ENTPD7: variants seen among roughly 807,000 people sequenced by gnomAD.
ENTPD7 encodes NTPDase 7.
A neutral mutation model predicts 77.9 loss-of-function variants in ENTPD7; 53 were observed. The observed-to-expected ratio is 0.68, with a 90% confidence interval of 0.55 to 0.85. The LOEUF (loss-of-function observed/expected upper bound fraction) is 0.85. Ranked by LOEUF, ENTPD7 falls within the 40% of genes least tolerant of loss-of-function variation. ENTPD7 has a pLI of 0.00. For missense variants in ENTPD7, 636 were observed against 743.7 expected, an observed-to-expected ratio of 0.86 and a Z score of 1.68; for synonymous variants, 248 against 274.9, an observed-to-expected ratio of 0.90 and a Z score of 0.97.
chr10:99,709,949 A>AG lies in ENTPD7; in HGVS notation c.*5269dup. ...AAACTGAATCATTACTCATACTACA[A>AG]GGGCTTTCACTTTTAAAATGTAATC... On this transcript the variant is annotated 3_prime_UTR_variant, in exon 13 of 13. Transcript: ENST00000370489. 1 of 985,420 alleles carries AG rather than the reference A, an allele frequency of 1.0e-6. No homozygotes were observed. Among genetic ancestry groups the AG allele is most frequent in the Non-Finnish European group, 1.2e-6 (1 of 829,908 alleles). 61.0% of individuals were successfully genotyped at this position (985,420 alleles called of 1,614,324 possible). A position where few individuals can be genotyped will look rare whatever the true frequency, so the allele number is the denominator to read the frequency against.
At chr10:99,670,442 A>AT (rs2133446833) in intron 3 of ENTPD7, among the ~76,000 whole-genome samples, 1 of 152,114 alleles carries the variant, frequency 6.6e-6, no homozygotes, top group East Asian at 1.9e-4. Context: ...AAATTTATTA[A>AT]TTTTTCATAC....
chr10:99,661,857 G>A (rs2035491559), intron 3 of ENTPD7, among the ~76,000 whole-genome samples: 1 of 152,160 alleles, frequency 6.6e-6, no homozygotes, highest in South Asian at 2.1e-4. Flanking sequence ...TTGGTGGGCT[G>A]AAACTTATTG....
chr10:99,702,456 G>T (rs113217443), intron 11 of ENTPD7, 56 bp from the exon 12 acceptor site: 53 of 1,434,360 alleles, frequency 3.7e-5, no homozygotes, highest in Admixed American at 1.5e-4. Flanking sequence ...TATTGCAAAG[G>T]AAAGTATTAG....
At position 99,661,597 on chromosome 10, in the gene ENTPD7, G is replaced by A; in HGVS notation, c.160G>A (p.Ala54Thr). The A allele has an allele frequency of 1.9e-6, 3 of 1,610,592 alleles. No homozygotes were observed. Among genetic ancestry groups the A allele is most frequent in the Non-Finnish European group, 2.5e-6 (3 of 1,178,912 alleles). Residue 54 changes from alanine (A) to threonine (T), a missense_variant, in exon 3 of 13, where the codon GCT (alanine) becomes ACT (threonine). This residue lies in a region of ENTPD7 where 486 missense variants were observed against 556.5 expected (regional missense o/e 0.87). Transcript: ENST00000370489. Reference sequence around the variant, plus strand: ...AATCATAGACTTTCGACATTGGAGTGCTTCATTACCACGAGATAGGCAATA... The same window carrying A: ...AATCATAGACTTTCGACATTGGAGTACTTCATTACCACGAGATAGGCAATA... ...MLIIDFRHWSASLPRDRQYER... is the reference protein window; with the variant it reads ...MLIIDFRHWSTSLPRDRQYER...
At chr10:99,673,063 A>C (rs2035635257) in intron 3 of ENTPD7, among the ~76,000 whole-genome samples, 1 of 152,200 alleles carries the variant, frequency 6.6e-6, no homozygotes, top group Middle Eastern at 3.2e-3. Flanking sequence ...TTGACTCAGC[A>C]GTGACTAGAA....
intron 3 of ENTPD7, among the ~76,000 whole-genome samples, chr10:99,676,523 G>A (rs542826413): frequency 1.3e-5 from 2 of 152,318 alleles, no homozygotes; most frequent in African/African-American, 4.8e-5. Flanking sequence ...TGTGAAGCAT[G>A]TGAAATAGAA....
At chr10:99,695,650 G>C (rs887929772) in intron 8 of ENTPD7, among the ~76,000 whole-genome samples, 1 of 152,124 alleles carries the variant, frequency 6.6e-6, no homozygotes, top group Non-Finnish European at 1.5e-5. Flanking sequence ...GAGGGAATTG[G>C]AAAATACAGA....
Position 99,698,523 on chromosome 10 carries a change from C to G in ENTPD7, c.1011-11C>G, listed in dbSNP as rs2036034755. On this transcript the variant is annotated splice_polypyrimidine_tract_variant and intron_variant, in intron 9 of 12. Coordinates refer to ENST00000370489, the MANE Select transcript of ENTPD7 (RefSeq NM_020354.5). ...TGTTTGTTTGTTTGTTTGTTTTTGT[C>G]ATTGTGGCAGATTGCTTGGTCAGAA... 6.2e-7 allele frequency: 1 copy of G among 1,605,814 alleles called. No individual in the cohort carries two copies. The highest frequency in any genetic ancestry group is 1.7e-5 in the Admixed American group (1 of 58,888).
chr10:99,698,229 G>A (rs1202984579), intron 9 of ENTPD7, among the ~76,000 whole-genome samples: 4 of 152,152 alleles, frequency 2.6e-5, no homozygotes, highest in African/African-American at 9.7e-5. Flanking sequence ...CTTTTAGGAG[G>A]TACGTGGGAA....
chr10:99,704,742 C>A lies in ENTPD7; in HGVS notation c.*59C>A. 1 of 1,469,170 alleles carries A rather than the reference C, an allele frequency of 6.8e-7. No homozygotes were observed. Among genetic ancestry groups the A allele is most frequent in the Non-Finnish European group, 9.3e-7 (1 of 1,070,614 alleles). 91.0% of individuals were successfully genotyped at this position (1,469,170 alleles called of 1,614,324 possible). On this transcript the variant is annotated 3_prime_UTR_variant, in exon 13 of 13. Transcript: ENST00000370489. ...CCGAGTTGCTGCTCATTGAATTCCT[C>A]CACTTTCTTATATAGCCTCAGATGC...
rs1308853015 is a variant in ENTPD7 at position 99,685,858 on chromosome 10, A to G, written c.615A>G (p.Ser205=). 1 of 1,613,892 alleles carries G rather than the reference A, an allele frequency of 6.2e-7. No homozygotes were observed. The highest frequency in any genetic ancestry group is 1.1e-5 in the South Asian group (1 of 91,082). The part of the protein sequence containing the change: ...DLPLEFDFLF[S]QSQAEVISGK... ...CACTGGAGTTTGACTTCCTCTTTTC[A>G]CAGTCTCAAGCAGAAGTGATCTCTG... Residue 205 remains serine, a synonymous_variant, in exon 6 of 13, where the codon TCA becomes TCG. Transcript: ENST00000370489.
chr10:99,660,490 G>A, intron 2 of ENTPD7: 1 of 548,678 alleles, frequency 1.8e-6, no homozygotes, highest in Non-Finnish European at 3.2e-6. Context: ...CAGGTATGGT[G>A]GACTACCATT....
chr10:99,700,802 GAATA>G (rs1410260649), intron 10 of ENTPD7, 167 bp from the exon 11 acceptor site: 1 of 666,332 alleles, frequency 1.5e-6, no homozygotes, highest in Non-Finnish European at 2.7e-6. Context: ...GGGATGACGG[GAATA>G]AACAGGGGTA....
chr10:99,673,089 T>TA (rs767498690), intron 3 of ENTPD7, among the ~76,000 whole-genome samples: 24 of 152,188 alleles, frequency 1.6e-4, no homozygotes, highest in Non-Finnish European at 2.9e-4. Flanking sequence ...TCATGTTTCT[T>TA]AAACAGAGGA....
At chr10:99,661,305 AT>A in intron 2 of ENTPD7, 140 bp from the exon 3 acceptor site, 1 of 672,440 alleles carries the variant, frequency 1.5e-6, no homozygotes, top group South Asian at 2.4e-5. Context: ...TTCTTCTAAA[AT>A]TAGAGATGAC....
Position 99,709,372 on chromosome 10 carries a change from A to G in ENTPD7, c.*4689A>G. On this transcript the variant is annotated 3_prime_UTR_variant, in exon 13 of 13. Transcript: ENST00000370489. ...ATAAGAATTATGGTAGAAATAGCAG[A>G]TGTTTCAAATTCTCCCATATTAGTC... The G allele has an allele frequency of 8.1e-6, 8 of 985,384 alleles. No homozygotes were observed. Among genetic ancestry groups the G allele is most frequent in the Non-Finnish European group, 9.6e-6 (8 of 829,884 alleles). The allele number at this position is 985,384 out of a possible 1,614,324, so 61.0% of individuals were successfully genotyped here.
In ENTPD7 at chr10:99,679,580, A is replaced by G; in HGVS notation, c.397+114A>G. On this transcript the variant is annotated intron_variant, in intron 4 of 12. Coordinates refer to ENST00000370489, the MANE Select transcript of ENTPD7 (RefSeq NM_020354.5). ...CTTGAGAGTCTGGGTAATGGGAGGGATATCTCTTTCATTGTCACCCCCTAC... is the reference window on the plus strand; with the variant it reads ...CTTGAGAGTCTGGGTAATGGGAGGGGTATCTCTTTCATTGTCACCCCCTAC... 1.4e-6 allele frequency: 2 copies of G among 1,423,184 alleles called. 1 individual carries two copies. Among genetic ancestry groups the G allele is most frequent in the East Asian group, 4.8e-5 (2 of 41,960 alleles). 88.2% of individuals were successfully genotyped at this position (1,423,184 alleles called of 1,614,324 possible). A position where few individuals can be genotyped will look rare whatever the true frequency, so the allele number is the denominator to read the frequency against.
Position 99,708,941 on chromosome 10 carries a change from A to G in ENTPD7, c.*4258A>G, listed in dbSNP as rs10490941. On this transcript the variant is annotated 3_prime_UTR_variant, in exon 13 of 13. Coordinates refer to ENST00000370489, the MANE Select transcript of ENTPD7 (RefSeq NM_020354.5). ...CAACTAACCATGCCCCATCTTTACA[A>G]CTGCTTCTGACATTCATTTATGACT... 4,189 of 985,400 alleles carry G rather than the reference A, an allele frequency of 4.3e-3. 125 individuals carry two copies. In the African/African-American group the frequency reaches 0.067, roughly 16 times the overall value. The allele number at this position is 985,400 out of a possible 1,614,324, so 61.0% of individuals were successfully genotyped here. A position where few individuals can be genotyped will look rare whatever the true frequency, so the allele number is the denominator to read the frequency against.
chr10:99,706,266 A>G lies in ENTPD7; in HGVS notation c.*1583A>G, dbSNP rs2036250268. On this transcript the variant is annotated 3_prime_UTR_variant, in exon 13 of 13. Transcript: ENST00000370489. ...GTATACTGACCCTTGGTTGGTAGAT[A>G]AAAAGATGACCAGTCTTGTATTGTT... 1 of 152,222 alleles carries G rather than the reference A, an allele frequency of 6.6e-6. No homozygotes were observed. The highest frequency in any genetic ancestry group is 1.5e-5 in the Non-Finnish European group (1 of 68,046). The allele number at this position is 152,222 out of a possible 1,614,324, so 9.4% of individuals were successfully genotyped here. A position where few individuals can be genotyped will look rare whatever the true frequency, so the allele number is the denominator to read the frequency against.
Sources: gnomAD v4.1 joint callset for allele counts (sites outside exome capture counted in the v4.1 genomes callset) on GRCh38, gnomAD v4.1.1 for gene constraint, gnomAD v4.1.1 regional missense constraint, MANE v1.5 for transcripts, NCBI Gene and HGNC (gene_info 2026-07-23, HGNC 2026-07-21) for gene names.